PLCB1: variants seen among roughly 807,000 people sequenced by gnomAD.
PLCB1 encodes phospholipase C beta 1.
Under a neutral mutation model 161.8 loss-of-function variants are expected in PLCB1, and 46 were observed. The observed-to-expected ratio is 0.28, with a 90% confidence interval of 0.22 to 0.36. The LOEUF is 0.36. Among genes scored for constraint, PLCB1 ranks in the 10% least tolerant of loss-of-function variants. The pLI is 1.00. For missense variants in PLCB1, 1,016 were observed against 1,472.5 expected, an observed-to-expected ratio of 0.69 and a Z score of 5.07; for synonymous variants, 517 against 503.7, an observed-to-expected ratio of 1.03 and a Z score of -0.35.
intron 9 of PLCB1, among the ~76,000 whole-genome samples, chr20:8,679,215 C>T (rs1446768391): frequency 1.3e-5 from 2 of 152,144 alleles, no homozygotes; most frequent in East Asian, 1.9e-4. Flanking sequence ...CATCTTTTCC[C>T]ATGTACCTGA....
chr20:8,832,191 C>T (rs1293601047), intron 31 of PLCB1, among the ~76,000 whole-genome samples: 1 of 152,072 alleles, frequency 6.6e-6, no homozygotes, highest in East Asian at 1.9e-4. Flanking sequence ...ATGGTAAGGT[C>T]AGAGACTTGA....
intron 3 of PLCB1, among the ~76,000 whole-genome samples, chr20:8,514,034 AAAG>A (rs1023591504): frequency 2.0e-5 from 3 of 152,014 alleles, no homozygotes; most frequent in Admixed American, 6.6e-5. Context: ...AAAAATCAAA[AAAG>A]AAGAAGAAGA....
chr20:8,214,552 C>T (rs974277723), intron 2 of PLCB1, among the ~76,000 whole-genome samples: 2 of 152,120 alleles, frequency 1.3e-5, no homozygotes, highest in African/African-American at 4.8e-5. Flanking sequence ...TTATAAATTA[C>T]CCTGTCTCAG....
chr20:8,334,069 T>C (rs162225), intron 2 of PLCB1, among the ~76,000 whole-genome samples: 136,607 of 152,142 alleles, frequency 0.9, 61,599 homozygotes, highest in African/African-American at 0.97. Context: ...ATTGGCCGGG[T>C]GTGGTGGTGC....
chr20:8,835,539 T>C (rs1986246605), intron 31 of PLCB1, among the ~76,000 whole-genome samples: 1 of 152,142 alleles, frequency 6.6e-6, no homozygotes, highest in South Asian at 2.1e-4. Context: ...ATCTACTCAT[T>C]TATGAAACAA....
intron 2 of PLCB1, among the ~76,000 whole-genome samples, chr20:8,352,252 A>G (rs1241119580): frequency 6.6e-6 from 1 of 152,146 alleles, no homozygotes; most frequent in East Asian, 1.9e-4. Context: ...ATCTTGTATA[A>G]TTCCATTTAT....
At chr20:8,866,868 A>C (rs565622235) in intron 31 of PLCB1, among the ~76,000 whole-genome samples, 1 of 152,326 alleles carries the variant, frequency 6.6e-6, no homozygotes, top group Non-Finnish European at 1.5e-5. Context: ...ATACTCACCC[A>C]AAAACCACAG....
intron 2 of PLCB1, among the ~76,000 whole-genome samples, chr20:8,295,720 T>A (rs1247375080): frequency 6.6e-6 from 1 of 152,094 alleles, no homozygotes; most frequent in Non-Finnish European, 1.5e-5. Context: ...TCTTTTTTAT[T>A]ATTTTATTTT....
chr20:8,838,493 G>C (rs1390430685), intron 31 of PLCB1, among the ~76,000 whole-genome samples: 3 of 152,168 alleles, frequency 2.0e-5, no homozygotes, highest in African/African-American at 7.2e-5. Flanking sequence ...TTATCCCGTG[G>C]TTATTTTCCT....
chr20:8,285,696 A>G (rs942050639), intron 2 of PLCB1, among the ~76,000 whole-genome samples: 1 of 152,152 alleles, frequency 6.6e-6, no homozygotes, highest in Admixed American at 6.5e-5. Flanking sequence ...GCTCCAGGTC[A>G]GGAAGATGAG....
At chr20:8,513,988 C>T (rs548205758) in intron 3 of PLCB1, among the ~76,000 whole-genome samples, 24 of 151,660 alleles carry the variant, frequency 1.6e-4, no homozygotes, top group Non-Finnish European at 3.5e-4. Flanking sequence ...ATCATGCCAC[C>T]CCATTCCAGC....
chr20:8,408,400 A>T (rs1489988714), intron 3 of PLCB1, among the ~76,000 whole-genome samples: 1 of 152,002 alleles, frequency 6.6e-6, no homozygotes, highest in African/African-American at 2.4e-5. Context: ...CCACTCCAGC[A>T]GCCTGGGCAA....
At chr20:8,840,340 G>A (rs554034994) in intron 31 of PLCB1, among the ~76,000 whole-genome samples, 2 of 152,292 alleles carry the variant, frequency 1.3e-5, no homozygotes, top group African/African-American at 4.8e-5. Flanking sequence ...TCTCACTAGG[G>A]CAATATAGCC....
At chr20:8,353,351 G>T (rs1600337079) in intron 2 of PLCB1, among the ~76,000 whole-genome samples, 1 of 152,104 alleles carries the variant, frequency 6.6e-6, no homozygotes, top group Non-Finnish European at 1.5e-5. Context: ...TAATTGGGAA[G>T]AATACACAAT....
chr20:8,733,095 G>T, intron 18 of PLCB1, 143 bp from the exon 19 acceptor site: 1 of 807,960 alleles, frequency 1.2e-6, no homozygotes, highest in Admixed American at 2.6e-5. Flanking sequence ...TTTCTTATCT[G>T]TGTTTCCTGC....
chr20:8,480,632 A>G (rs1157999287), intron 3 of PLCB1, among the ~76,000 whole-genome samples: 1 of 152,138 alleles, frequency 6.6e-6, no homozygotes, highest in Non-Finnish European at 1.5e-5. Flanking sequence ...TCCAGGTACT[A>G]TCCAGATGCT....
At chr20:8,850,304 A>G (rs2146300929) in intron 31 of PLCB1, among the ~76,000 whole-genome samples, 1 of 152,344 alleles carries the variant, frequency 6.6e-6, no homozygotes, top group East Asian at 1.9e-4. Flanking sequence ...CAGTGTGTTC[A>G]TGCATGTAAG....
chr20:8,502,285 A>T (rs756945722), intron 3 of PLCB1, among the ~76,000 whole-genome samples: 10 of 152,178 alleles, frequency 6.6e-5, no homozygotes, highest in African/African-American at 7.2e-5. Context: ...CTATTCTGAC[A>T]TTTAAATCTT....
At chr20:8,586,356 G>GTT (rs11479321) in intron 3 of PLCB1, among the ~76,000 whole-genome samples, 1 of 147,334 alleles carries the variant, frequency 6.8e-6, no homozygotes, top group Non-Finnish European at 1.5e-5. Flanking sequence ...ATTTATTATG[G>GTT]TTTTTTTTTT....
Sources: gnomAD v4.1 joint callset for allele counts (sites outside exome capture counted in the v4.1 genomes callset) on GRCh38, gnomAD v4.1.1 for gene constraint, MANE v1.5 for transcripts, NCBI Gene and HGNC (gene_info 2026-07-23, HGNC 2026-07-21) for gene names.